Variants in SDC4 observed in about 807,000 individuals in gnomAD.
SDC4 encodes the protein syndecan-4.
SDC4 carries 17 observed loss-of-function variants against 20.5 expected under a neutral mutation model. That is an observed-to-expected ratio of 0.83 (90% CI 0.57 to 1.25). SDC4 has a LOEUF of 1.25. Among genes scored for constraint, SDC4 ranks in the 50% most tolerant of loss-of-function variants. SDC4 has a pLI of 0.00. For synonymous variants in SDC4, 107 were observed against 105.3 expected, an observed-to-expected ratio of 1.02 and a Z score of -0.10; for missense variants, 241 against 252.3, an observed-to-expected ratio of 0.96 and a Z score of 0.30.
chr20:45,337,155 A>G (rs1374544863), intron 1 of SDC4, among the ~76,000 whole-genome samples: 1 of 151,994 alleles, frequency 6.6e-6, no homozygotes, highest in East Asian at 1.9e-4. Context: ...TGTACCCTCA[A>G]GAGCACAGGA....
At chr20:45,328,992 G>GTTTTTT in intron 4 of SDC4, among the ~76,000 whole-genome samples, 1 of 152,222 alleles carries the variant, frequency 6.6e-6, no homozygotes, top group African/African-American at 2.4e-5. Flanking sequence ...CTCAGAAGCT[G>GTTTTTT]ACTGTGGTCC....
intron 1 of SDC4, 64 bp downstream of exon 1, chr20:45,348,261 A>T: frequency 1.7e-6 from 2 of 1,148,556 alleles, no homozygotes; most frequent in Non-Finnish European, 2.5e-6. Context: ...CGCTCCGACG[A>T]ACAAAGGAGG....
At position 45,332,896 on chromosome 20, in the gene SDC4, A is replaced by G. The variant is rs1468387416; in HGVS notation, c.246+127T>C. ...CCACCCCAGGGCCAGATTTTTAAAA[A>G]GCCTTCCCGCATAGTGGGGTAAGAC... is the stretch of plus-strand genomic sequence containing the variant. On this transcript the variant is annotated intron_variant, in intron 3 of 4. Coordinates refer to ENST00000372733, the MANE Select transcript of SDC4 (RefSeq NM_002999.4). 3.5e-6 allele frequency: 3 copies of G among 859,918 alleles called. No homozygotes were observed. The Admixed American group carries it at 7.6e-5, about 22-fold the overall frequency. The allele number at this position is 859,918 out of a possible 1,614,324, so 53.3% of individuals were successfully genotyped here. A position where few individuals can be genotyped will look rare whatever the true frequency, so the allele number is the denominator to read the frequency against.
chr20:45,348,128 A>G (rs893693877), intron 1 of SDC4, among the ~76,000 whole-genome samples, 197 bp downstream of exon 1: 4 of 132,624 alleles, frequency 3.0e-5, no homozygotes, highest in African/African-American at 1.2e-4. Context: ...CGAGGGGCGC[A>G]CGGCGCGTGA....
rs191094814 is a variant in SDC4 at position 45,328,050 on chromosome 20, C to G, written c.446-635G>C. 5.0e-4 allele frequency among the ~76,000 whole-genome samples: 76 copies of G among 152,322 alleles called. No individual in the cohort carries two copies. The East Asian group carries it at 0.014, about 29-fold the overall frequency. ...AACTGAACCAGGAACAGGAGAAAAC[C>G]GTAGGCTATGGAAATCCCTGTAGAC... is the stretch of plus-strand genomic sequence containing the variant. On this transcript the variant is annotated intron_variant, in intron 4 of 4. Transcript: ENST00000372733.
At chr20:45,347,417 G>A (rs997097525) in intron 1 of SDC4, among the ~76,000 whole-genome samples, 3 of 152,004 alleles carry the variant, frequency 2.0e-5, no homozygotes, top group Admixed American at 6.6e-5. Context: ...CTCCTCCTAA[G>A]CCGGCTGCGG....
chr20:45,344,194 A>G (rs1357265386), intron 1 of SDC4, among the ~76,000 whole-genome samples: 2 of 152,218 alleles, frequency 1.3e-5, no homozygotes, highest in Admixed American at 1.3e-4. Flanking sequence ...CTAAAGCCCA[A>G]TTTTGAGGAC....
At chr20:45,343,878 T>C (rs1222981951) in intron 1 of SDC4, among the ~76,000 whole-genome samples, 2 of 152,202 alleles carry the variant, frequency 1.3e-5, no homozygotes, top group African/African-American at 4.8e-5. Flanking sequence ...GCCACACCGG[T>C]ATCATGATCT....
intron 2 of SDC4, among the ~76,000 whole-genome samples, 199 bp from the exon 3 acceptor site, chr20:45,333,268 G>T (rs984133638): frequency 6.6e-6 from 1 of 152,228 alleles, no homozygotes; most frequent in Non-Finnish European, 1.5e-5. Context: ...TCTTTCACAG[G>T]AATGTGTGAG....
At chr20:45,332,650 A>T (rs1987796068) in intron 3 of SDC4, among the ~76,000 whole-genome samples, 1 of 152,098 alleles carries the variant, frequency 6.6e-6, no homozygotes, top group African/African-American at 2.4e-5. Context: ...GCTGGAGTGC[A>T]CTGGCACAAT....
intron 1 of SDC4, among the ~76,000 whole-genome samples, chr20:45,341,385 G>GA (rs1189526622): frequency 1.3e-5 from 2 of 152,198 alleles, no homozygotes; most frequent in East Asian, 1.9e-4. Context: ...TTCAGACTGT[G>GA]AAAAAAAGAT....
intron 1 of SDC4, among the ~76,000 whole-genome samples, chr20:45,342,132 G>C (rs1353173455): frequency 6.6e-6 from 1 of 152,204 alleles, no homozygotes; most frequent in African/African-American, 2.4e-5. Context: ...CCGAGGGCTA[G>C]GGAGGCTCTC....
intron 3 of SDC4, among the ~76,000 whole-genome samples, chr20:45,331,468 C>T (rs1987776466): frequency 6.6e-6 from 1 of 151,998 alleles, no homozygotes; most frequent in Non-Finnish European, 1.5e-5. Flanking sequence ...TGAATAGGGG[C>T]TGGGTAAAAT....
At chr20:45,340,416 A>G (rs748023231) in intron 1 of SDC4, among the ~76,000 whole-genome samples, 33 of 152,118 alleles carry the variant, frequency 2.2e-4, no homozygotes, top group Non-Finnish European at 4.0e-4. Context: ...TCAAATCCAG[A>G]TCTTCCTCAA....
chr20:45,330,583 G>A lies in SDC4; in HGVS notation c.247-19C>T. ...GAGGCACCTGGATGGGCGGAAAGGA[G>A]AAGAGACACTCAGCGTATTTTGGAA... On this transcript the variant is annotated intron_variant, in intron 3 of 4. Transcript: ENST00000372733. 1 of 1,609,640 alleles carries A rather than the reference G, an allele frequency of 6.2e-7. No homozygotes were observed.
intron 4 of SDC4, among the ~76,000 whole-genome samples, 156 bp downstream of exon 4, chr20:45,330,210 A>C (rs2070639): frequency 0.5 from 75,790 of 152,038 alleles, 19,147 homozygotes; most frequent in Admixed American, 0.57. Context: ...CCCATAAGGA[A>C]GGTGTAGTCT....
intron 4 of SDC4, among the ~76,000 whole-genome samples, chr20:45,327,624 A>T (rs1448356056): frequency 6.6e-6 from 1 of 152,222 alleles, no homozygotes; most frequent in African/African-American, 2.4e-5. Context: ...GTCACTGAAG[A>T]CCACAGGGCT....
chr20:45,345,639 G>A (rs1988021174), intron 1 of SDC4: 1 of 152,250 alleles, frequency 6.6e-6, no homozygotes. Context: ...ACACTTGATA[G>A]GTGATAGGTG....
intron 3 of SDC4, 128 bp from the exon 4 acceptor site, chr20:45,330,692 G>C (rs2145708291): frequency 1.3e-6 from 1 of 754,380 alleles, no homozygotes; most frequent in Middle Eastern, 3.8e-4. Context: ...TGGTCCTGGA[G>C]CAGGAATTGG....
Sources: allele counts gnomAD v4.1 joint callset (sites outside exome capture counted in the v4.1 genomes callset), GRCh38; gene constraint gnomAD v4.1.1; transcripts MANE v1.5; gene names NCBI Gene and HGNC (gene_info 2026-07-23, HGNC 2026-07-21).